Variants in GRIK1 observed in about 807,000 individuals in gnomAD.
The protein encoded by GRIK1 is glutamate receptor ionotropic, kainate 1.
GRIK1 carries 69 observed loss-of-function variants against 105.7 expected under a neutral mutation model. The ratio of observed to expected loss-of-function variants is 0.65; its 90% CI spans 0.54 to 0.80. The LOEUF (loss-of-function observed/expected upper bound fraction) is 0.80. Ranked by LOEUF, GRIK1 falls within the 30% of genes least tolerant of loss-of-function variation. The pLI is 0.00. For synonymous variants in GRIK1, 438 were observed against 431.3 expected, an observed-to-expected ratio of 1.02 and a Z score of -0.19; for missense variants, 1,109 against 1,167.3, an observed-to-expected ratio of 0.95 and a Z score of 0.73.
intron 1 of GRIK1, among the ~76,000 whole-genome samples, chr21:29,723,018 A>T (rs1332980763): frequency 6.6e-6 from 1 of 152,202 alleles, no homozygotes; most frequent in Non-Finnish European, 1.5e-5. Flanking sequence ...GGATAAAAAG[A>T]TACTGAAAAA....
At chr21:29,673,298 T>A (rs1286859749) in intron 3 of GRIK1, 134 bp from the exon 4 acceptor site, 2 of 546,790 alleles carry the variant, frequency 3.7e-6, no homozygotes, top group Non-Finnish European at 6.4e-6. Context: ...ACTCCTGACT[T>A]CCCATTTGTC....
chr21:29,614,334 G>A (rs2061795128), intron 7 of GRIK1, among the ~76,000 whole-genome samples: 1 of 144,944 alleles, frequency 6.9e-6, no homozygotes, highest in Non-Finnish European at 1.5e-5. Context: ...CTTGCTTTGT[G>A]TTTCAGATTC....
At chr21:29,575,872 G>GAAAC (rs1050763869) in intron 14 of GRIK1, among the ~76,000 whole-genome samples, 3 of 151,790 alleles carry the variant, frequency 2.0e-5, no homozygotes, top group Non-Finnish European at 2.9e-5. Flanking sequence ...CCCCCCAAAA[G>GAAAC]AAACAAACAA....
At chr21:29,732,864 A>G (rs1349323849) in intron 1 of GRIK1, among the ~76,000 whole-genome samples, 1 of 152,192 alleles carries the variant, frequency 6.6e-6, no homozygotes, top group African/African-American at 2.4e-5. Flanking sequence ...AGAAGATCAA[A>G]ATGGCAACTA....
In GRIK1 at chr21:29,834,374, G is replaced by A. The variant is rs146908209; in HGVS notation, c.118+105009C>T. On this transcript the variant is annotated intron_variant, in intron 1 of 17. Transcript: ENST00000327783. ...ATATATATTATATATGTAAAATGAT[G>A]GTTATCGAGATAATAGAAGAGATTA... Among the ~76,000 whole-genome samples the A allele has an allele frequency of 3.6e-3, 537 of 149,398 alleles. 1 individual carries two copies. Among genetic ancestry groups the A allele is most frequent in the Middle Eastern group, 0.011 (3 of 282 alleles).
intron 2 of GRIK1, among the ~76,000 whole-genome samples, chr21:29,692,664 C>T (rs974604796): frequency 6.6e-6 from 1 of 152,194 alleles, no homozygotes; most frequent in Non-Finnish European, 1.5e-5. Context: ...GGCTCTACTT[C>T]CCGGGTTCAC....
At chr21:29,814,924 C>A (rs970347869) in intron 1 of GRIK1, among the ~76,000 whole-genome samples, 5 of 152,098 alleles carry the variant, frequency 3.3e-5, no homozygotes, top group Non-Finnish European at 7.4e-5. Context: ...ATCACTTACC[C>A]GCCTGTGCAA....
intron 1 of GRIK1, among the ~76,000 whole-genome samples, chr21:29,800,168 T>G (rs1161522615): frequency 6.6e-6 from 1 of 152,172 alleles, no homozygotes; most frequent in Non-Finnish European, 1.5e-5. Flanking sequence ...AAAAATGAAA[T>G]ACACGATCTG....
intron 7 of GRIK1, among the ~76,000 whole-genome samples, chr21:29,604,434 T>A (rs2061575371): frequency 6.6e-6 from 1 of 152,192 alleles, no homozygotes; most frequent in Non-Finnish European, 1.5e-5. Flanking sequence ...TCTTTGTTTT[T>A]CTGCAAACTC....
intron 1 of GRIK1, among the ~76,000 whole-genome samples, chr21:29,868,757 C>A (rs2068911517): frequency 6.6e-6 from 1 of 151,862 alleles, no homozygotes; most frequent in African/African-American, 2.4e-5. Context: ...TGCATTGCTT[C>A]TTTTGCTATC....
At chr21:29,680,418 G>A (rs1474447003) in intron 3 of GRIK1, among the ~76,000 whole-genome samples, 2 of 152,078 alleles carry the variant, frequency 1.3e-5, no homozygotes, top group Non-Finnish European at 2.9e-5. Context: ...CTACTGTATT[G>A]CCTCCATCTC....
intron 1 of GRIK1, among the ~76,000 whole-genome samples, chr21:29,906,641 C>G (rs1425255275): frequency 6.6e-6 from 1 of 151,374 alleles, no homozygotes; most frequent in African/African-American, 2.4e-5. Context: ...AGGCAACAAA[C>G]AGAAAAGAAG....
At chr21:29,827,955 C>G in intron 1 of GRIK1, among the ~76,000 whole-genome samples, 1 of 150,052 alleles carries the variant, frequency 6.7e-6, no homozygotes, top group Non-Finnish European at 1.5e-5. Context: ...GAGCTCATGT[C>G]TTTCTATAAT....
At chr21:29,551,821 A>C (rs2090141135) in intron 16 of GRIK1, among the ~76,000 whole-genome samples, 1 of 152,144 alleles carries the variant, frequency 6.6e-6, no homozygotes, top group Non-Finnish European at 1.5e-5. Flanking sequence ...GAGTAAACTT[A>C]GGAAATTTGT....
intron 1 of GRIK1, among the ~76,000 whole-genome samples, chr21:29,905,763 A>T (rs548133138): frequency 6.8e-6 from 1 of 147,408 alleles, no homozygotes; most frequent in Non-Finnish European, 1.5e-5. Context: ...AGTAGCTGGG[A>T]CTACAGGCGC....
intron 1 of GRIK1, among the ~76,000 whole-genome samples, chr21:29,825,571 A>G (rs937886973): frequency 3.3e-5 from 5 of 152,160 alleles, no homozygotes; most frequent in African/African-American, 1.2e-4. Context: ...TTTCTGGTTA[A>G]AAAGGGTAAT....
intron 1 of GRIK1, among the ~76,000 whole-genome samples, chr21:29,742,387 G>A (rs1025664497): frequency 6.6e-6 from 1 of 152,216 alleles, no homozygotes; most frequent in Non-Finnish European, 1.5e-5. Context: ...TGGAGACAAA[G>A]TGAGCAGATC....
chr21:29,820,532 A>G (rs1399591615), intron 1 of GRIK1, among the ~76,000 whole-genome samples: 2 of 152,076 alleles, frequency 1.3e-5, no homozygotes, highest in South Asian at 2.1e-4. Context: ...GTACATGACC[A>G]GAAATCATGG....
chr21:29,789,375 A>G (rs2066349122), intron 1 of GRIK1, among the ~76,000 whole-genome samples: 1 of 149,842 alleles, frequency 6.7e-6, no homozygotes, highest in Non-Finnish European at 1.5e-5. Context: ...ACTCTTCACC[A>G]CAGGACCCTG....
Sources: allele counts gnomAD v4.1 joint callset (sites outside exome capture counted in the v4.1 genomes callset), GRCh38; gene constraint gnomAD v4.1.1; transcripts MANE v1.5; gene names NCBI Gene and HGNC (gene_info 2026-07-23, HGNC 2026-07-21).